Variants in GALNT9 observed in about 807,000 individuals in gnomAD.
GALNT9 encodes the protein polypeptide N-acetylgalactosaminyltransferase 9.
Under a neutral mutation model 63.1 loss-of-function variants are expected in GALNT9, and 47 were observed. The ratio of observed to expected loss-of-function variants is 0.75; its 90% confidence interval spans 0.59 to 0.95. The LOEUF (loss-of-function observed/expected upper bound fraction) is 0.95. Among genes scored for constraint, GALNT9 ranks in the 40% least tolerant of loss-of-function variants. GALNT9 has a pLI of 0.00. For missense variants in GALNT9, 829 were observed against 874.8 expected (o/e 0.95, Z 0.66); for synonymous variants, 396 against 365.7 (o/e 1.08, Z -0.94).
chr12:132,256,104 T>C (rs1287650627), intron 5 of GALNT9, among the ~76,000 whole-genome samples: 3 of 152,142 alleles, frequency 2.0e-5, no homozygotes, highest in African/African-American at 7.2e-5. Context: ...AATGCATCCA[T>C]GTGATCTTTG....
intron 6 of GALNT9, among the ~76,000 whole-genome samples, chr12:132,209,622 G>A (rs548312903): frequency 5.5e-4 from 84 of 152,178 alleles, no homozygotes; most frequent in Non-Finnish European, 9.9e-4. Flanking sequence ...AGTGACTTGT[G>A]GTCATCCTCA....
At chr12:132,258,463 T>C (rs1879227260) in intron 4 of GALNT9, among the ~76,000 whole-genome samples, 1 of 149,278 alleles carries the variant, frequency 6.7e-6, no homozygotes, top group African/African-American at 2.6e-5. Context: ...TGCATGAGTG[T>C]GCAGCGGCCC....
At chr12:132,283,394 A>G (rs1880442472) in intron 2 of GALNT9, 1 of 152,290 alleles carries the variant, frequency 6.6e-6, no homozygotes, top group Non-Finnish European at 1.5e-5. Context: ...CCTCTGTCAG[A>G]TGGCTCTGAT....
chr12:132,196,703 G>A lies in GALNT9; in HGVS notation c.*404C>T. The A allele has an allele frequency of 9.9e-7, 1 of 1,008,616 alleles. No individual in the cohort carries two copies. Among genetic ancestry groups the A allele is most frequent in the Non-Finnish European group, 1.2e-6 (1 of 845,070 alleles). 62.5% of individuals were successfully genotyped at this position (1,008,616 alleles called of 1,614,324 possible). On this transcript the variant is annotated 3_prime_UTR_variant, in exon 11 of 11. Coordinates refer to ENST00000328957, the MANE Select transcript of GALNT9 (RefSeq NM_001122636.2). ...CAAGTGCTGGGGGAGGCTGCTTGGA[G>A]CATGGGAGGCCTGCGGGTGGAAGAC...
intron 1 of GALNT9, among the ~76,000 whole-genome samples, chr12:132,320,876 C>T (rs111510587): frequency 0.036 from 5,424 of 152,316 alleles, 311 homozygotes; most frequent in African/African-American, 0.12. Flanking sequence ...GCTGTTGCTC[C>T]GGGCATCCCC....
chr12:132,296,279 C>T lies in GALNT9; in HGVS notation c.239-9849G>A, dbSNP rs1014320963. Among the ~76,000 whole-genome samples the T allele has an allele frequency of 6.6e-6, 1 of 152,252 alleles. No homozygotes were observed. Among genetic ancestry groups the T allele is most frequent in the African/African-American group, 2.4e-5 (1 of 41,470 alleles). On this transcript the variant is annotated intron_variant, in intron 1 of 10. Transcript: ENST00000328957. This position sits in a 1 kb window ranked among gnomAD's most constrained non-coding sequence, Gnocchi z 4.2. ...CAGCCCCAAGAGATGACCGCACAGCCTCATGCTCACGCCAGCCGTCCAGCC... is the reference window on the plus strand; with the variant it reads ...CAGCCCCAAGAGATGACCGCACAGCTTCATGCTCACGCCAGCCGTCCAGCC...
intron 1 of GALNT9, among the ~76,000 whole-genome samples, chr12:132,304,189 G>A (rs1232002584): frequency 9.1e-4 from 10 of 11,032 alleles, no homozygotes; most frequent in African/African-American, 2.3e-3. Flanking sequence ...ACCCAGACAC[G>A]CCCTCACCCA....
intron 6 of GALNT9, among the ~76,000 whole-genome samples, chr12:132,229,267 C>A (rs1877810428): frequency 6.6e-6 from 1 of 152,220 alleles, no homozygotes; most frequent in Admixed American, 6.5e-5. Context: ...CAGGTGGAGC[C>A]CACGCCCCAT....
intron 2 of GALNT9, among the ~76,000 whole-genome samples, chr12:132,269,744 C>T (rs1027469864): frequency 7.9e-5 from 12 of 152,370 alleles, no homozygotes; most frequent in Middle Eastern, 3.4e-3. Context: ...CGCGTGGGGC[C>T]GGATCCCGGT....
At chr12:132,218,240 T>G (rs774427977) in intron 6 of GALNT9, among the ~76,000 whole-genome samples, 2 of 152,170 alleles carry the variant, frequency 1.3e-5, no homozygotes, top group Non-Finnish European at 2.9e-5. Flanking sequence ...GAAAACAACC[T>G]TAGAGGCCAA....
chr12:132,251,854 G>C (rs1878928805), intron 5 of GALNT9, among the ~76,000 whole-genome samples: 1 of 152,174 alleles, frequency 6.6e-6, no homozygotes, highest in Admixed American at 6.5e-5. Context: ...ACAGCCTGGG[G>C]GCCCCACCTC....
At chr12:132,214,886 A>G (rs1356740310) in intron 6 of GALNT9, among the ~76,000 whole-genome samples, 1 of 152,106 alleles carries the variant, frequency 6.6e-6, no homozygotes, top group Non-Finnish European at 1.5e-5. Flanking sequence ...TCAGCTCCTG[A>G]TCTTGCAGAG....
intron 5 of GALNT9, among the ~76,000 whole-genome samples, chr12:132,248,384 G>A (rs959972625): frequency 1.2e-4 from 18 of 152,216 alleles, no homozygotes; most frequent in African/African-American, 4.3e-4. Flanking sequence ...TGAGGCAGGA[G>A]GATCACTGGA....
intron 1 of GALNT9, among the ~76,000 whole-genome samples, chr12:132,305,699 G>A (rs938516718): frequency 4.6e-5 from 7 of 152,090 alleles, no homozygotes; most frequent in African/African-American, 9.6e-5. Flanking sequence ...GTACATCCTC[G>A]CCTGGGCACA....
At chr12:132,199,120 G>A in intron 9 of GALNT9, 54 bp downstream of exon 9, 1 of 1,189,366 alleles carries the variant, frequency 8.4e-7, no homozygotes, top group Non-Finnish European at 1.2e-6. Flanking sequence ...TAGGGTCCGG[G>A]TGGCCTGGGG....
At chr12:132,307,306 C>T (rs1881649526) in intron 1 of GALNT9, among the ~76,000 whole-genome samples, 3 of 152,116 alleles carry the variant, frequency 2.0e-5, no homozygotes, top group South Asian at 2.1e-4. Context: ...GAAGAAATGG[C>T]ATTAAGTTAA....
rs376353441 is a variant in GALNT9 at position 132,327,770 on chromosome 12, G to A, written c.238+1196C>T. On this transcript the variant is annotated intron_variant, in intron 1 of 10. Transcript: ENST00000328957. This position sits in a 1 kb window ranked among gnomAD's most constrained non-coding sequence, Gnocchi z 4.3. ...CAGGAAGTCAGGGTGCTCTGAGTCA[G>A]ACAAAGCTGGGACAACCCCTCCTCA... 6.6e-5 allele frequency among the ~76,000 whole-genome samples: 10 copies of A among 152,254 alleles called. No homozygotes were observed. Among genetic ancestry groups the A allele is most frequent in the African/African-American group, 2.4e-4 (10 of 41,566 alleles).
chr12:132,326,131 C>G (rs551561309), intron 1 of GALNT9, among the ~76,000 whole-genome samples: 3 of 152,250 alleles, frequency 2.0e-5, no homozygotes, highest in Non-Finnish European at 4.4e-5. Context: ...TGAAAATTTT[C>G]TTAAAGGCAG....
chr12:132,293,603 C>CA (rs1880940330), intron 1 of GALNT9, among the ~76,000 whole-genome samples: 2 of 152,176 alleles, frequency 1.3e-5, no homozygotes, highest in African/African-American at 2.4e-5. Context: ...ACAAAAAGCA[C>CA]AAAAATGTAG....
Sources: gnomAD v4.1 joint callset for allele counts (sites outside exome capture counted in the v4.1 genomes callset) on GRCh38, gnomAD v4.1.1 for gene constraint, Gnocchi (gnomAD v3.1) non-coding constraint, MANE v1.5 for transcripts, NCBI Gene and HGNC (gene_info 2026-07-23, HGNC 2026-07-21) for gene names.